Variants in CCDC85A observed in about 807,000 individuals in gnomAD.
CCDC85A encodes the protein coiled-coil domain-containing protein 85A.
CCDC85A carries 38 observed loss-of-function variants against 50.2 expected under a neutral mutation model. The observed-to-expected ratio is 0.76, with a 90% confidence interval of 0.58 to 0.99. The LOEUF (loss-of-function observed/expected upper bound fraction) is 0.99. Among genes scored for constraint, CCDC85A ranks in the 50% least tolerant of loss-of-function variants. The pLI is 0.00. For synonymous variants in CCDC85A, 366 were observed against 301.4 expected (o/e 1.21, Z -2.22); for missense variants, 820 against 742.0 (o/e 1.11, Z -1.22).
intron 2 of CCDC85A, among the ~76,000 whole-genome samples, chr2:56,312,785 T>C (rs947595581): frequency 9.9e-5 from 15 of 152,200 alleles, no homozygotes; most frequent in Non-Finnish European, 1.8e-4. Flanking sequence ...GTTTATTTGG[T>C]AGTTATTCAG....
At chr2:56,202,634 C>G (rs539266268) in intron 2 of CCDC85A, among the ~76,000 whole-genome samples, 3 of 152,296 alleles carry the variant, frequency 2.0e-5, no homozygotes, top group African/African-American at 7.2e-5. Context: ...TAACTGCAAA[C>G]AAAACTAATT....
intron 3 of CCDC85A, among the ~76,000 whole-genome samples, chr2:56,366,149 T>C (rs1675781614): frequency 6.6e-6 from 1 of 152,212 alleles, no homozygotes; most frequent in African/African-American, 2.4e-5. Flanking sequence ...ATTTTCTTTA[T>C]TCATCCATTC....
chr2:56,185,033 C>T (rs1232281790), intron 1 of CCDC85A, 133 bp downstream of exon 1: 6 of 1,074,458 alleles, frequency 5.6e-6, no homozygotes, highest in Non-Finnish European at 6.3e-6. Flanking sequence ...GCACCCCCTA[C>T]CCCCAGTCCC....
intron 2 of CCDC85A, among the ~76,000 whole-genome samples, chr2:56,242,284 G>C (rs1003018147): frequency 6.6e-6 from 1 of 152,094 alleles, no homozygotes; most frequent in Non-Finnish European, 1.5e-5. Context: ...AAATACCTGA[G>C]ACTGGGTAAT....
intron 2 of CCDC85A, among the ~76,000 whole-genome samples, chr2:56,338,661 G>A (rs1181510344): frequency 1.3e-5 from 2 of 151,974 alleles, no homozygotes; most frequent in Non-Finnish European, 1.5e-5. Context: ...TATTGGTTAT[G>A]CACTACTAGT....
chr2:56,271,233 T>C (rs998260305), intron 2 of CCDC85A, among the ~76,000 whole-genome samples: 1 of 152,114 alleles, frequency 6.6e-6, no homozygotes, highest in African/African-American at 2.4e-5. Flanking sequence ...TGGTCTTCAG[T>C]AGGGATCAGA....
chr2:56,307,956 T>C (rs1672517582), intron 2 of CCDC85A, among the ~76,000 whole-genome samples: 1 of 152,228 alleles, frequency 6.6e-6, no homozygotes, highest in East Asian at 1.9e-4. Flanking sequence ...TGATGACATA[T>C]TTTCAACAGT....
At chr2:56,307,373 G>A (rs2104212311) in intron 2 of CCDC85A, among the ~76,000 whole-genome samples, 1 of 152,172 alleles carries the variant, frequency 6.6e-6, no homozygotes, top group Middle Eastern at 3.4e-3. Flanking sequence ...GTACAATCAG[G>A]TCGTTGTAAT....
At position 56,339,556 on chromosome 2, in the gene CCDC85A, A is replaced by G. The variant is rs372784940; in HGVS notation, c.1241-3323A>G. Among the ~76,000 whole-genome samples, 162 of 152,332 alleles carry G rather than the reference A, an allele frequency of 1.1e-3. 1 individual carries two copies. Among genetic ancestry groups the G allele is most frequent in the African/African-American group, 3.3e-3 (139 of 41,582 alleles). ...AAATTCCGTTCAATAGCATTTTTCAAATTTCACCTGACTCAATCTGTGTAG... is the reference window on the plus strand; with the variant it reads ...AAATTCCGTTCAATAGCATTTTTCAGATTTCACCTGACTCAATCTGTGTAG... On this transcript the variant is annotated intron_variant, in intron 2 of 5. Transcript: ENST00000407595.
chr2:56,294,076 G>A (rs1388594682), intron 2 of CCDC85A, among the ~76,000 whole-genome samples: 2 of 152,134 alleles, frequency 1.3e-5, no homozygotes, highest in African/African-American at 4.8e-5. Context: ...CAATGATAGA[G>A]TGGGTAAAGA....
At chr2:56,191,544 C>G (rs764143362) in intron 1 of CCDC85A, among the ~76,000 whole-genome samples, 2 of 152,132 alleles carry the variant, frequency 1.3e-5, no homozygotes, top group Non-Finnish European at 2.9e-5. Context: ...ACAAGATGAG[C>G]TAAATTTTGG....
At chr2:56,222,178 T>C (rs949149181) in intron 2 of CCDC85A, among the ~76,000 whole-genome samples, 2 of 152,102 alleles carry the variant, frequency 1.3e-5, no homozygotes, top group Non-Finnish European at 2.9e-5. Flanking sequence ...CTTTAAAGAA[T>C]AAAGCAAAAC....
At chr2:56,371,276 TTC>T (rs1168626706) in intron 3 of CCDC85A, among the ~76,000 whole-genome samples, 1 of 152,264 alleles carries the variant, frequency 6.6e-6, no homozygotes, top group Non-Finnish European at 1.5e-5. Context: ...TCATTATTTC[TTC>T]TCTTTCTTAC....
At chr2:56,236,943 G>T (rs1669045083) in intron 2 of CCDC85A, among the ~76,000 whole-genome samples, 1 of 152,108 alleles carries the variant, frequency 6.6e-6, no homozygotes, top group African/African-American at 2.4e-5. Context: ...TAAGAATGAT[G>T]ATTCTGTTGT....
rs70955014 is a variant in CCDC85A, at chr2:56,269,334, G to GGT, written c.1241-73518_1241-73517dup. On this transcript the variant is annotated intron_variant, in intron 2 of 5. Transcript: ENST00000407595. ...GCACACTACCATACTCCTTGGCAAGGGTGTGTGTGTGTGTGTGTGTGTGTG... is the reference window on the plus strand; with the variant it reads ...GCACACTACCATACTCCTTGGCAAGGGTGTGTGTGTGTGTGTGTGTGTGTGTG... Among the ~76,000 whole-genome samples the GGT allele has an allele frequency of 3.8e-3, 563 of 149,298 alleles. 7 individuals are homozygous for GGT. The highest frequency in any genetic ancestry group is 0.012 in the African/African-American group (486 of 40,570).
chr2:56,248,380 C>T (rs1669603360), intron 2 of CCDC85A, among the ~76,000 whole-genome samples: 1 of 152,106 alleles, frequency 6.6e-6, no homozygotes, highest in Non-Finnish European at 1.5e-5. Context: ...CTCAGATGCT[C>T]CTTGTACCAG....
At chr2:56,341,972 ATTTTG>A (rs1674393367) in intron 2 of CCDC85A, among the ~76,000 whole-genome samples, 1 of 138,286 alleles carries the variant, frequency 7.2e-6, no homozygotes, top group Admixed American at 7.1e-5. Context: ...TGTTTGAAAA[ATTTTG>A]TTTTATTTTC....
rs144339939 is a variant in CCDC85A at position 56,239,437 on chromosome 2, C to G, written c.1240+45997C>G. Among the ~76,000 whole-genome samples, 381 of 152,136 alleles carry G rather than the reference C, an allele frequency of 2.5e-3. 2 individuals are homozygous for G. Among genetic ancestry groups the G allele is most frequent in the African/African-American group, 8.8e-3 (366 of 41,532 alleles). ...GGTTAATCTGGCCTGTTCCTATTCC[C>G]TCTTTAAAATAACATTGTAGCAAAC... On this transcript the variant is annotated intron_variant, in intron 2 of 5. Transcript: ENST00000407595.
At chr2:56,366,797 G>A (rs1309089021) in intron 3 of CCDC85A, among the ~76,000 whole-genome samples, 1 of 152,180 alleles carries the variant, frequency 6.6e-6, no homozygotes, top group Non-Finnish European at 1.5e-5. Flanking sequence ...CGAGGAGTCT[G>A]TACATAGGCT....
Sources: gnomAD v4.1 joint callset for allele counts (sites outside exome capture counted in the v4.1 genomes callset) on GRCh38, gnomAD v4.1.1 for gene constraint, MANE v1.5 for transcripts, NCBI Gene and HGNC (gene_info 2026-07-23, HGNC 2026-07-21) for gene names.